Variants in SGCZ observed in about 807,000 individuals in gnomAD.
SGCZ encodes the protein sarcoglycan zeta, also known as zeta-sarcoglycan.
In SGCZ, 40 loss-of-function variants were observed where a neutral mutation model predicts 41.3. That is an observed-to-expected ratio of 0.97 (90% CI 0.75 to 1.26). The LOEUF is 1.26. Ranked by LOEUF, SGCZ falls within the 50% of genes most tolerant of loss-of-function variation. The pLI is 0.00. For missense variants in SGCZ, 552 were observed against 369.8 expected (o/e 1.49, Z -4.04); for synonymous variants, 206 against 137.5 (o/e 1.50, Z -3.49).
intron 1 of SGCZ, among the ~76,000 whole-genome samples, chr8:14,851,801 A>G (rs982487319): frequency 4.6e-5 from 7 of 152,138 alleles, no homozygotes; most frequent in African/African-American, 7.2e-5. Context: ...CAGGGAATCT[A>G]AGATGGTGGG....
At chr8:15,065,172 C>G (rs987427920) in intron 1 of SGCZ, among the ~76,000 whole-genome samples, 5 of 152,068 alleles carry the variant, frequency 3.3e-5, no homozygotes, top group African/African-American at 4.8e-5. Flanking sequence ...CCAAGTGAGA[C>G]CCACTCCGCT....
chr8:14,098,648 G>A (rs1046134712), intron 7 of SGCZ, among the ~76,000 whole-genome samples: 1 of 152,158 alleles, frequency 6.6e-6, no homozygotes, highest in Non-Finnish European at 1.5e-5. Flanking sequence ...TGGGAGTTGA[G>A]TTCACCTTGA....
At chr8:14,778,021 T>G (rs529832225) in intron 1 of SGCZ, among the ~76,000 whole-genome samples, 34 of 152,198 alleles carry the variant, frequency 2.2e-4, no homozygotes, top group African/African-American at 8.2e-4. Context: ...TCTCCCAGAC[T>G]TAAGCGATCC....
intron 1 of SGCZ, among the ~76,000 whole-genome samples, chr8:14,790,658 C>G (rs770809965): frequency 7.2e-5 from 11 of 152,012 alleles, no homozygotes; most frequent in Non-Finnish European, 1.2e-4. Context: ...AAGATTGATT[C>G]CAGTAGACAA....
intron 2 of SGCZ, among the ~76,000 whole-genome samples, chr8:14,384,765 G>A (rs757501310): frequency 6.6e-6 from 1 of 152,112 alleles, no homozygotes; most frequent in Non-Finnish European, 1.5e-5. Flanking sequence ...TGGCCGGGCT[G>A]GTCTTGAACT....
intron 2 of SGCZ, among the ~76,000 whole-genome samples, chr8:14,427,527 A>T (rs1349138781): frequency 6.6e-6 from 1 of 152,006 alleles, no homozygotes; most frequent in African/African-American, 2.4e-5. Flanking sequence ...TTCCATGAGG[A>T]AACTCTACTC....
At chr8:14,589,345 C>CAAAAAAAA (rs34816729) in intron 1 of SGCZ, among the ~76,000 whole-genome samples, 1 of 122,510 alleles carries the variant, frequency 8.2e-6, no homozygotes, top group Non-Finnish European at 1.8e-5. Context: ...GACTCCATCT[C>CAAAAAAAA]AAAAAAAAAA....
chr8:14,586,914 CTAGT>C (rs1272344916), intron 1 of SGCZ, among the ~76,000 whole-genome samples: 2 of 151,582 alleles, frequency 1.3e-5, no homozygotes, highest in Non-Finnish European at 2.9e-5. Flanking sequence ...TGGTGATTAC[CTAGT>C]TAAATTGCAA....
In SGCZ at chr8:14,858,905, T is replaced by C. The variant is rs375413160; in HGVS notation, c.40-303979A>G. Among the ~76,000 whole-genome samples the C allele has an allele frequency of 1.0e-3, 154 of 152,270 alleles. 2 individuals carry two copies. Among genetic ancestry groups the C allele is most frequent in the African/African-American group, 3.5e-3 (147 of 41,566 alleles). On this transcript the variant is annotated intron_variant, in intron 1 of 7. Coordinates refer to ENST00000382080, the MANE Select transcript of SGCZ (RefSeq NM_139167.4). ...GGTGCAAATTTACCAAAATTCTAATTTTTACATGAAAGCTCAATGTTTTTC... is the reference window on the plus strand; with the variant it reads ...GGTGCAAATTTACCAAAATTCTAATCTTTACATGAAAGCTCAATGTTTTTC...
At chr8:15,116,196 T>C (rs545881196) in intron 1 of SGCZ, among the ~76,000 whole-genome samples, 15 of 152,198 alleles carry the variant, frequency 9.9e-5, no homozygotes, top group Non-Finnish European at 2.2e-4. Flanking sequence ...CATTTTTAAA[T>C]GTAAGCTCTG....
rs1050731055 is a variant in SGCZ, at chr8:15,097,808, A to G, written c.39+139777T>C. The stretch of plus-strand genomic sequence containing the variant: ...TGTATATATATATACGTGTATATAT[A>G]TATATACGTGTGTGTATATATATAT... On this transcript the variant is annotated intron_variant, in intron 1 of 7. Transcript: ENST00000382080. 1.4e-4 allele frequency among the ~76,000 whole-genome samples: 18 copies of G among 132,648 alleles called. No individual in the cohort carries two copies. In the South Asian group the frequency reaches 3.0e-3, roughly 22 times the overall value. The allele number at this position is 132,648 out of a possible 152,430, so 87.0% of individuals were successfully genotyped here. A position where few individuals can be genotyped will look rare whatever the true frequency, so the allele number is the denominator to read the frequency against.
chr8:14,237,546 A>G, intron 4 of SGCZ, 46 bp downstream of exon 4: 5 of 1,551,820 alleles, frequency 3.2e-6, no homozygotes, highest in East Asian at 2.3e-5. Context: ...ACAACAACAA[A>G]AAAAACCAAG....
chr8:14,325,210 A>G (rs968890501), intron 2 of SGCZ, among the ~76,000 whole-genome samples: 1 of 152,136 alleles, frequency 6.6e-6, no homozygotes, highest in Non-Finnish European at 1.5e-5. Flanking sequence ...TAACTGATAC[A>G]GTATTACTAA....
chr8:14,219,811 C>G (rs7013519), intron 4 of SGCZ, among the ~76,000 whole-genome samples: 83,656 of 151,688 alleles, frequency 0.55, 23,548 homozygotes, highest in East Asian at 0.75. Context: ...ATTCACCTGA[C>G]CTCTTGCCAA....
At chr8:15,224,462 G>A (rs942836566) in intron 1 of SGCZ, among the ~76,000 whole-genome samples, 18 of 152,020 alleles carry the variant, frequency 1.2e-4, no homozygotes, top group Admixed American at 1.2e-3. Context: ...GAAAGAAAAC[G>A]ACTTTATCAG....
chr8:15,088,411 T>C (rs1161902796), intron 1 of SGCZ, among the ~76,000 whole-genome samples: 2 of 152,142 alleles, frequency 1.3e-5, no homozygotes, highest in Non-Finnish European at 2.9e-5. Flanking sequence ...TATTAACATA[T>C]TTTTCTGTAA....
At chr8:14,655,529 G>C (rs558856594) in intron 1 of SGCZ, among the ~76,000 whole-genome samples, 28 of 152,198 alleles carry the variant, frequency 1.8e-4, no homozygotes, top group African/African-American at 6.3e-4. Flanking sequence ...AGTTAATTTT[G>C]AGTGTGTAGA....
chr8:14,147,237 T>TG (rs752906801), intron 5 of SGCZ, among the ~76,000 whole-genome samples: 4 of 150,432 alleles, frequency 2.7e-5, no homozygotes, highest in Non-Finnish European at 5.9e-5. Context: ...AAAAAGAAAA[T>TG]GGACTAAATT....
intron 1 of SGCZ, among the ~76,000 whole-genome samples, chr8:15,068,075 C>T (rs985604849): frequency 2.0e-5 from 3 of 152,088 alleles, no homozygotes; most frequent in African/African-American, 4.8e-5. Flanking sequence ...CGAGCAGTGC[C>T]GTAAAAGATG....
Sources: gnomAD v4.1 joint callset for allele counts (sites outside exome capture counted in the v4.1 genomes callset) on GRCh38, gnomAD v4.1.1 for gene constraint, MANE v1.5 for transcripts, NCBI Gene and HGNC (gene_info 2026-07-23, HGNC 2026-07-21) for gene names.